The following GPM6B variants were observed in gnomAD, a reference collection of about 807,000 sequenced individuals.
GPM6B encodes neuronal membrane glycoprotein M6-b.
Under a neutral mutation model 27.2 loss-of-function variants are expected in GPM6B, and 4 were observed. The observed-to-expected ratio is 0.15, with a 90% CI of 0.07 to 0.34. The LOEUF is 0.34. Ranked by LOEUF, GPM6B falls within the 10% of genes least tolerant of loss-of-function variation. The pLI is 1.00. For synonymous variants in GPM6B, 124 were observed against 103.1 expected (o/e 1.20, Z -1.23); for missense variants, 183 against 261.9 (o/e 0.70, Z 2.08).
chrX:13,887,868 G>GA (rs2050152102), intron 1 of GPM6B, among the ~76,000 whole-genome samples: 1 of 111,850 alleles, frequency 8.9e-6, no homozygotes, highest in Non-Finnish European at 1.9e-5. Flanking sequence ...AATGTACAGT[G>GA]AAGTTTGAGA....
At chrX:13,859,584 C>G (rs2049819544) in intron 1 of GPM6B, among the ~76,000 whole-genome samples, 1 of 109,324 alleles carries the variant, frequency 9.1e-6, no homozygotes, top group Admixed American at 9.8e-5. Context: ...TTTTATATAC[C>G]AGACATGATT....
intron 5 of GPM6B, among the ~76,000 whole-genome samples, chrX:13,777,857 C>T (rs1192768983): frequency 8.9e-6 from 1 of 112,040 alleles, no homozygotes; most frequent in Non-Finnish European, 1.9e-5. Flanking sequence ...AGCTCTGTTA[C>T]TGGTCTGCCA....
intron 1 of GPM6B, among the ~76,000 whole-genome samples, chrX:13,897,665 T>G (rs944962461): frequency 8.9e-6 from 1 of 111,859 alleles, no homozygotes; most frequent in Admixed American, 9.5e-5. Context: ...CTTCAATCTG[T>G]GGATAATATT....
chrX:13,914,785 TTC>T (rs200080896), intron 1 of GPM6B, among the ~76,000 whole-genome samples: 1,559 of 112,284 alleles, frequency 0.014, 22 homozygotes, highest in African/African-American at 0.048. Flanking sequence ...CAGCAAACTG[TTC>T]TTTCAAGCCA....
rs1010186105 is a variant in GPM6B at position 13,920,973 on chromosome X, A to G, written c.-198+17354T>C. 2.7e-5 allele frequency among the ~76,000 whole-genome samples: 3 copies of G among 112,038 alleles called. No homozygotes were observed. The South Asian group carries it at 1.1e-3, about 42-fold the overall frequency. On this transcript the variant is annotated intron_variant, in intron 1 of 6. Coordinates refer to the GPM6B transcript ENST00000398361. Reference sequence around the variant, plus strand: ...TATGCTGTCTTCTTTTGTTACATGAATATTTGAGAGTTTGCTAGAAAGAGG... The same window carrying G: ...TATGCTGTCTTCTTTTGTTACATGAGTATTTGAGAGTTTGCTAGAAAGAGG...
chrX:13,934,196 G>A (rs752064025), intron 1 of GPM6B, among the ~76,000 whole-genome samples: 2 of 111,192 alleles, frequency 1.8e-5, no homozygotes, highest in South Asian at 7.8e-4. Flanking sequence ...TACTCAAAAT[G>A]TCGGTTTGTG....
intron 2 of GPM6B, among the ~76,000 whole-genome samples, chrX:13,804,715 C>T (rs1259937739): frequency 8.3e-5 from 9 of 108,702 alleles, no homozygotes. Context: ...GAGGCATTTT[C>T]CTTTGGCAAA....
intron 1 of GPM6B, among the ~76,000 whole-genome samples, chrX:13,837,715 G>T (rs949302754): frequency 1.3e-5 from 1 of 79,377 alleles, no homozygotes; most frequent in Non-Finnish European, 2.4e-5. Context: ...GTTGGTGGGG[G>T]GGGGGGGGGG....
Position 13,779,860 on chromosome X carries a change from T to C in GPM6B, c.655A>G (p.Thr219Ala). Residue 219 changes from threonine (T) to alanine (A), a missense_variant, in exon 5 of 8, where the codon ACC becomes GCC. Physicochemically the swap from Thr to Ala is moderately conservative, Grantham distance 58. Transcript: ENST00000316715. ...EVIKSPQTNG[T>A]TGVEQICVDI... ...ACACAGATCTGCTCCACACCCGTGGTCCCGTTGGTCTGCGGTGACTTGATG... is the reference window on the plus strand; with the variant it reads ...ACACAGATCTGCTCCACACCCGTGGCCCCGTTGGTCTGCGGTGACTTGATG... The C allele has an allele frequency of 8.4e-7, 1 of 1,195,700 alleles. No individual in the cohort carries two copies. Among genetic ancestry groups the C allele is most frequent in the Non-Finnish European group, 1.1e-6 (1 of 883,436 alleles).
intron 1 of GPM6B, among the ~76,000 whole-genome samples, chrX:13,931,713 A>G (rs977510920): frequency 9.0e-6 from 1 of 111,329 alleles, no homozygotes; most frequent in Non-Finnish European, 1.9e-5. Flanking sequence ...ATTCATTTAT[A>G]TGTGTCCATT....
rs762635557 is a variant in GPM6B, at chrX:13,900,155, C to T, written c.-198+38172G>A. Among the ~76,000 whole-genome samples, 10 of 111,722 alleles carry T rather than the reference C, an allele frequency of 9.0e-5. No individual in the cohort carries two copies. In the South Asian group the frequency reaches 3.8e-3, roughly 42 times the overall value. On this transcript the variant is annotated intron_variant, in intron 1 of 6. Transcript: ENST00000398361. ...ATAGGTGGTCCTAAAAATCATCACT[C>T]TTTGCAAAATGCACAATAAAAAACA...
At chrX:13,820,570 G>A (rs1443818452), upstream of GPM6B, among the ~76,000 whole-genome samples, 1 of 110,994 alleles carries the variant, frequency 9.0e-6, no homozygotes, top group African/African-American at 3.3e-5. Flanking sequence ...AGTACAAGAA[G>A]CCCAGTTCTG....
chrX:13,826,665 G>A lies in GPM6B; in HGVS notation c.-197-40857C>T, dbSNP rs1265606812. Among the ~76,000 whole-genome samples, 3 of 111,102 alleles carry A rather than the reference G, an allele frequency of 2.7e-5. No individual in the cohort carries two copies. In the Admixed American group the frequency reaches 2.9e-4, roughly 11 times the overall value. Reference sequence around the variant, plus strand: ...ATGTGAGAAGATCGCATGAGCCCAGGAGTTGGAGGCTGCAGTGAGCTATGA... The same window carrying A: ...ATGTGAGAAGATCGCATGAGCCCAGAAGTTGGAGGCTGCAGTGAGCTATGA... On this transcript the variant is annotated intron_variant, in intron 1 of 6. Transcript: ENST00000398361.
intron 1 of GPM6B, among the ~76,000 whole-genome samples, chrX:13,880,468 GA>G (rs2050083559): frequency 1.8e-5 from 2 of 110,153 alleles, no homozygotes; most frequent in African/African-American, 3.3e-5. Context: ...CAGGTCAGGA[GA>G]TTGAGACCAT....
chrX:13,926,275 G>T (rs1215722210), intron 1 of GPM6B, among the ~76,000 whole-genome samples: 2 of 107,070 alleles, frequency 1.9e-5, no homozygotes, highest in African/African-American at 6.8e-5. Context: ...GGGCGTAGTG[G>T]CGGGCGCCTG....
Position 13,807,788 on chromosome X carries a change from A to C in GPM6B, c.62-19T>G, listed in dbSNP as rs923583401. On this transcript the variant is annotated intron_variant, in intron 1 of 7. Coordinates refer to ENST00000316715, the MANE Select transcript of GPM6B (RefSeq NM_001001995.3). ...CTGTTCACTGCCAATTTCAGGTGGCAAAGAGTCAGTGTCTCTATCTCCAGC... is the reference window on the plus strand; with the variant it reads ...CTGTTCACTGCCAATTTCAGGTGGCCAAGAGTCAGTGTCTCTATCTCCAGC... 8.4e-7 allele frequency: 1 copy of C among 1,186,335 alleles called. No homozygotes were observed. Among genetic ancestry groups the C allele is most frequent in the Admixed American group, 2.2e-5 (1 of 44,665 alleles).
At chrX:13,928,643 T>C (rs1398213905) in intron 1 of GPM6B, among the ~76,000 whole-genome samples, 6 of 112,709 alleles carry the variant, frequency 5.3e-5, no homozygotes, top group South Asian at 3.7e-4. Flanking sequence ...TCTTTGCCCA[T>C]TGTGTGAAGG....
intron 1 of GPM6B, among the ~76,000 whole-genome samples, chrX:13,888,399 A>G (rs2050157778): frequency 8.9e-6 from 1 of 112,277 alleles, no homozygotes. Flanking sequence ...CTAGTAAATG[A>G]AATCAGAAGC....
In GPM6B at chrX:13,772,172, A is replaced by G. The variant is rs771082796; in HGVS notation, c.*709T>C. The stretch of plus-strand genomic sequence containing the variant: ...ATGAAAATTGGATCAGTATTTTGTT[A>G]AAATGAAATCTGTTATAAAATTGCT... On this transcript the variant is annotated 3_prime_UTR_variant, in exon 8 of 8. Coordinates refer to ENST00000316715, the MANE Select transcript of GPM6B (RefSeq NM_001001995.3). 8.9e-6 allele frequency: 1 copy of G among 112,800 alleles called. No homozygotes were observed. Among genetic ancestry groups the G allele is most frequent in the African/African-American group, 3.2e-5 (1 of 31,029 alleles). 9.3% of individuals were successfully genotyped at this position (112,800 alleles called of 1,213,427 possible).
Sources: allele counts gnomAD v4.1 joint callset (sites outside exome capture counted in the v4.1 genomes callset), GRCh38; gene constraint gnomAD v4.1.1; transcripts MANE v1.5; gene names NCBI Gene and HGNC (gene_info 2026-07-23, HGNC 2026-07-21).